SCHIP1: variants seen among roughly 807,000 people sequenced by gnomAD.
The protein encoded by SCHIP1 is schwannomin interacting protein 1.
SCHIP1 carries 8 observed loss-of-function variants against 29.7 expected under a neutral mutation model. That is an observed-to-expected ratio of 0.27 (90% CI 0.16 to 0.49). SCHIP1 has a LOEUF of 0.49. Among genes scored for constraint, SCHIP1 ranks in the 20% least tolerant of loss-of-function variants. The pLI is 0.99. For missense variants in SCHIP1, 193 were observed against 294.6 expected (o/e 0.66, Z 2.52); for synonymous variants, 76 against 94.9 (o/e 0.80, Z 1.16).
the SCHIP1 span, among the ~76,000 whole-genome samples, chr3:159,442,107 G>T: frequency 6.6e-6 from 1 of 152,166 alleles, no homozygotes; most frequent in Non-Finnish European, 1.5e-5. Flanking sequence ...TGTGAAAATG[G>T]GAGAACTGGC....
chr3:159,741,300 A>G, the SCHIP1 span, among the ~76,000 whole-genome samples: 4 of 152,370 alleles, frequency 2.6e-5, no homozygotes, highest in Middle Eastern at 6.8e-3. Context: ...AAATTAAAAA[A>G]AGGAGAGAGA....
At chr3:159,894,745 T>G (rs1717892778) in intron 6 of SCHIP1, 6 of 152,162 alleles carry the variant, frequency 3.9e-5, no homozygotes, top group Admixed American at 3.9e-4. Flanking sequence ...TGGTGGGGCT[T>G]CAGTGAAACA....
At chr3:159,839,766 T>G (rs1284166404), upstream of SCHIP1, 1 of 552,636 alleles carries the variant, frequency 1.8e-6, no homozygotes, top group Non-Finnish European at 2.7e-6. Flanking sequence ...TCTCCCTCGC[T>G]GGCCTTTTTC....
At chr3:159,555,563 G>A in the SCHIP1 span, among the ~76,000 whole-genome samples, 6 of 152,266 alleles carry the variant, frequency 3.9e-5, no homozygotes, top group Non-Finnish European at 8.8e-5. Flanking sequence ...TTCTTGATGA[G>A]CAAATTCTCT....
the SCHIP1 span, among the ~76,000 whole-genome samples, chr3:159,479,211 A>T: frequency 6.6e-6 from 1 of 152,160 alleles, no homozygotes; most frequent in Non-Finnish European, 1.5e-5. Flanking sequence ...TTTGGCAATG[A>T]TTATCTCTAG....
At chr3:159,337,101 G>A in the SCHIP1 span, among the ~76,000 whole-genome samples, 320 of 152,218 alleles carry the variant, frequency 2.1e-3, no homozygotes, top group African/African-American at 7.1e-3. Context: ...AGAAAACCAT[G>A]ATTATCTCAA....
At chr3:159,808,985 C>CTTT in the SCHIP1 span, among the ~76,000 whole-genome samples, 1 of 138,208 alleles carries the variant, frequency 7.2e-6, no homozygotes, top group African/African-American at 2.6e-5. Flanking sequence ...TTTTTTCTTT[C>CTTT]TTTTTTTTTT....
the SCHIP1 span, among the ~76,000 whole-genome samples, chr3:159,398,594 T>C: frequency 1.8e-4 from 27 of 152,284 alleles, no homozygotes; most frequent in Admixed American, 4.6e-4. Flanking sequence ...ATAATCCTGG[T>C]GGTTCTTTGC....
At chr3:159,844,167 G>A (rs1241101094) in intron 1 of SCHIP1, among the ~76,000 whole-genome samples, 2 of 152,148 alleles carry the variant, frequency 1.3e-5, no homozygotes, top group African/African-American at 2.4e-5. Context: ...AGCGGCCCAG[G>A]GAAACTGTGT....
chr3:159,591,196 A>G, the SCHIP1 span, among the ~76,000 whole-genome samples: 2 of 152,194 alleles, frequency 1.3e-5, no homozygotes, highest in African/African-American at 2.4e-5. Context: ...CTAAATATAT[A>G]GTCATGTCAT....
chr3:159,536,159 A>G, the SCHIP1 span, among the ~76,000 whole-genome samples: 3 of 152,174 alleles, frequency 2.0e-5, no homozygotes, highest in African/African-American at 7.2e-5. Context: ...ATTCAATTAT[A>G]CAACACAGTT....
At chr3:159,662,441 C>A in the SCHIP1 span, among the ~76,000 whole-genome samples, 1 of 152,146 alleles carries the variant, frequency 6.6e-6, no homozygotes, top group Non-Finnish European at 1.5e-5. Flanking sequence ...AATTTAATTC[C>A]TATGAACCAC....
chr3:159,887,943 G>T, intron 4 of SCHIP1, 38 bp downstream of exon 5: 5 of 1,610,084 alleles, frequency 3.1e-6, no homozygotes, highest in Non-Finnish European at 4.2e-6. Flanking sequence ...AAGTGTTTGG[G>T]AGCCAGAAAT....
the SCHIP1 span, among the ~76,000 whole-genome samples, chr3:159,573,730 T>C: frequency 1.3e-5 from 2 of 152,216 alleles, no homozygotes; most frequent in Non-Finnish European, 1.5e-5. Context: ...ATTCTCCTCA[T>C]CACTTTCAGA....
At chr3:159,685,429 A>G in the SCHIP1 span, among the ~76,000 whole-genome samples, 116 of 152,360 alleles carry the variant, frequency 7.6e-4, no homozygotes, top group Middle Eastern at 3.4e-3. Context: ...CTTCCTGCCC[A>G]TATCTCAGAT....
At chr3:159,303,925 G>T in the SCHIP1 span, among the ~76,000 whole-genome samples, 1 of 151,292 alleles carries the variant, frequency 6.6e-6, no homozygotes, top group African/African-American at 2.4e-5. Flanking sequence ...GGTTAGTTAC[G>T]TATGTATACA....
At chr3:159,396,325 A>AAGTT in the SCHIP1 span, among the ~76,000 whole-genome samples, 2 of 149,508 alleles carry the variant, frequency 1.3e-5, no homozygotes, top group African/African-American at 2.5e-5. Flanking sequence ...TTTACATTTA[A>AAGTT]AGTTAATATT....
At chr3:159,276,720 C>T in the SCHIP1 span, among the ~76,000 whole-genome samples, 1 of 152,226 alleles carries the variant, frequency 6.6e-6, no homozygotes, top group South Asian at 2.1e-4. Context: ...GCAAGATATA[C>T]ACATTGCTGA....
At chr3:159,297,692 T>G in the SCHIP1 span, among the ~76,000 whole-genome samples, 1 of 152,296 alleles carries the variant, frequency 6.6e-6, no homozygotes, top group East Asian at 1.9e-4. Context: ...CAGATGCCAC[T>G]AATGCACTGT....
Sources: allele counts gnomAD v4.1 joint callset (sites outside exome capture counted in the v4.1 genomes callset), GRCh38; gene constraint gnomAD v4.1.1; transcripts MANE v1.5; gene names NCBI Gene and HGNC (gene_info 2026-07-23, HGNC 2026-07-21).